Variants in ZCCHC7 observed in about 807,000 individuals in gnomAD.
The protein encoded by ZCCHC7 is zinc finger CCHC domain-containing protein 7.
ZCCHC7 carries 35 observed loss-of-function variants against 52.0 expected under a neutral mutation model. That is an observed-to-expected ratio of 0.67 (90% CI 0.51 to 0.89). The LOEUF is 0.89. Among genes scored for constraint, ZCCHC7 ranks in the 40% least tolerant of loss-of-function variants. ZCCHC7 has a pLI of 0.00. For missense variants in ZCCHC7, 574 were observed against 649.1 expected (o/e 0.88, Z 1.26); for synonymous variants, 217 against 221.5 (o/e 0.98, Z 0.18).
intron 2 of ZCCHC7, among the ~76,000 whole-genome samples, chr9:37,249,793 A>T (rs1233081675): frequency 1.3e-5 from 2 of 152,064 alleles, no homozygotes; most frequent in Non-Finnish European, 2.9e-5. Flanking sequence ...ATCAATTCAG[A>T]TTCCACCATA....
intron 2 of ZCCHC7, among the ~76,000 whole-genome samples, chr9:37,258,757 TAA>T (rs5897683): frequency 3.6e-3 from 197 of 55,344 alleles, no homozygotes; most frequent in African/African-American, 0.013. Context: ...TCCTGTCTCT[TAA>T]AAAAAAAAAA....
intron 2 of ZCCHC7, among the ~76,000 whole-genome samples, chr9:37,194,793 G>T (rs1265919046): frequency 6.6e-6 from 1 of 152,066 alleles, no homozygotes; most frequent in African/African-American, 2.4e-5. Context: ...GAAAAATCCT[G>T]TTGTCAAAGA....
At chr9:37,152,435 T>G (rs1026313538) in intron 2 of ZCCHC7, among the ~76,000 whole-genome samples, 15 of 152,178 alleles carry the variant, frequency 9.9e-5, no homozygotes, top group Non-Finnish European at 1.5e-4. Flanking sequence ...TTTCTTTAGT[T>G]TTTACCTAAT....
chr9:37,268,255 A>G (rs1564213531), intron 2 of ZCCHC7, among the ~76,000 whole-genome samples: 2 of 152,070 alleles, frequency 1.3e-5, no homozygotes, highest in Non-Finnish European at 2.9e-5. Context: ...AACTACTATT[A>G]TAAGATAATT....
chr9:37,180,660 G>A (rs1050231627), intron 2 of ZCCHC7, among the ~76,000 whole-genome samples: 2 of 152,134 alleles, frequency 1.3e-5, no homozygotes, highest in African/African-American at 4.8e-5. Flanking sequence ...ATATTGGCTT[G>A]TCTGTTACTG....
rs569501915 is a variant in ZCCHC7 at position 37,247,238 on chromosome 9, A to G, written c.611-54950A>G. Among the ~76,000 whole-genome samples, 5 of 152,318 alleles carry G rather than the reference A, an allele frequency of 3.3e-5. No individual in the cohort carries two copies. The East Asian group carries it at 9.6e-4, about 29-fold the overall frequency. Reference sequence around the variant, plus strand: ...CACACCTCACTTCACAGCTTTGTGAAGGAGAGGTAGGTATTTTTATTGCTG... The same window carrying G: ...CACACCTCACTTCACAGCTTTGTGAGGGAGAGGTAGGTATTTTTATTGCTG... On this transcript the variant is annotated intron_variant, in intron 2 of 8. Transcript: ENST00000336755.
chr9:37,202,233 A>G (rs1001265882), intron 2 of ZCCHC7, among the ~76,000 whole-genome samples: 4 of 152,166 alleles, frequency 2.6e-5, no homozygotes, highest in African/African-American at 9.7e-5. Flanking sequence ...AGGATTTGAG[A>G]TAGATTGGGA....
At chr9:37,178,624 G>A (rs1254476540) in intron 2 of ZCCHC7, among the ~76,000 whole-genome samples, 1 of 152,168 alleles carries the variant, frequency 6.6e-6, no homozygotes, top group African/African-American at 2.4e-5. Context: ...GTTGGTACAT[G>A]TTGTTGGAAT....
intron 2 of ZCCHC7, among the ~76,000 whole-genome samples, chr9:37,291,854 C>T (rs765290027): frequency 2.0e-5 from 3 of 152,140 alleles, no homozygotes; most frequent in Non-Finnish European, 2.9e-5. Context: ...CCACCATACC[C>T]GGCTAATTTT....
At chr9:37,137,667 C>T (rs529298839) in intron 2 of ZCCHC7, among the ~76,000 whole-genome samples, 5 of 152,212 alleles carry the variant, frequency 3.3e-5, no homozygotes, top group African/African-American at 9.6e-5. Flanking sequence ...AGCTGTTTAA[C>T]GTGTATTTTG....
intron 1 of ZCCHC7, among the ~76,000 whole-genome samples, chr9:37,123,266 G>C (rs1008796892): frequency 5.5e-4 from 83 of 151,910 alleles, no homozygotes; most frequent in Non-Finnish European, 1.5e-4. Flanking sequence ...TGTCTTCCAA[G>C]ACACTTTTTA....
intron 1 of ZCCHC7, among the ~76,000 whole-genome samples, chr9:37,123,703 CA>C (rs1842423004): frequency 6.6e-6 from 1 of 152,122 alleles, no homozygotes; most frequent in African/African-American, 2.4e-5. Context: ...ACTGGATCCT[CA>C]GGATGGATCC....
chr9:37,290,590 A>G (rs1828488961), intron 2 of ZCCHC7, among the ~76,000 whole-genome samples: 1 of 152,212 alleles, frequency 6.6e-6, no homozygotes, highest in East Asian at 1.9e-4. Context: ...CGGGAGGCGG[A>G]TGGAGGTTGC....
At chr9:37,120,521 G>C, upstream of ZCCHC7, 1 of 399,090 alleles carries the variant, frequency 2.5e-6, no homozygotes, top group African/African-American at 2.1e-5. Context: ...TTCCCTCCCG[G>C]GTCTGCGCGG....
chr9:37,260,563 C>G (rs1055418989), intron 2 of ZCCHC7, among the ~76,000 whole-genome samples: 2 of 152,180 alleles, frequency 1.3e-5, no homozygotes, highest in African/African-American at 4.8e-5. Context: ...AGTTACATAC[C>G]TGGTAAGCTT....
rs76827273 is a variant in ZCCHC7, at chr9:37,337,416, A to C, written c.987+9582A>C. 2.0e-3 allele frequency among the ~76,000 whole-genome samples: 22 copies of C among 11,006 alleles called. No homozygotes were observed. In the East Asian group the frequency reaches 0.053, roughly 27 times the overall value. The allele number at this position is 11,006 out of a possible 152,430, so 7.2% of individuals were successfully genotyped here. ...CTACCCACCCACCCCCCCCCCCCCCAAAAAAAATGAGTTGTGTTATCTGGA... is the reference window on the plus strand; with the variant it reads ...CTACCCACCCACCCCCCCCCCCCCCCAAAAAAATGAGTTGTGTTATCTGGA... On this transcript the variant is annotated intron_variant, in intron 6 of 8. Transcript: ENST00000336755.
chr9:37,215,469 G>A (rs1334210214), intron 2 of ZCCHC7, among the ~76,000 whole-genome samples: 3 of 152,166 alleles, frequency 2.0e-5, no homozygotes, highest in African/African-American at 4.8e-5. Context: ...TATCCAGATA[G>A]CATAGCTCCC....
chr9:37,208,077 T>C (rs959758831), intron 2 of ZCCHC7, among the ~76,000 whole-genome samples: 15 of 152,170 alleles, frequency 9.9e-5, no homozygotes, highest in Non-Finnish European at 1.8e-4. Flanking sequence ...CAGTGTATTT[T>C]TTGTTACGGC....
chr9:37,296,881 T>TTGTGTATGTGTG lies in ZCCHC7; in HGVS notation c.611-5302_611-5301insATGTGTGTGTGT, dbSNP rs1396008500. Among the ~76,000 whole-genome samples the TTGTGTATGTGTG allele has an allele frequency of 3.0e-3, 373 of 124,204 alleles. 4 individuals carry two copies. Among genetic ancestry groups the TTGTGTATGTGTG allele is most frequent in the African/African-American group, 0.011 (363 of 33,608 alleles). The allele number at this position is 124,204 out of a possible 152,430, so 81.5% of individuals were successfully genotyped here. A position where few individuals can be genotyped will look rare whatever the true frequency, so the allele number is the denominator to read the frequency against. On this transcript the variant is annotated intron_variant, in intron 2 of 8. Transcript: ENST00000336755. ...GCATGCACCACCATACCTGGCTAGTTTGTGTGTGTGTGTGTGTGTGTGTGT... is the reference window on the plus strand; with the variant it reads ...GCATGCACCACCATACCTGGCTAGTTTGTGTATGTGTGTGTGTGTGTGTGTGTGTGTGTGTGT...
Sources: gnomAD v4.1 joint callset for allele counts (sites outside exome capture counted in the v4.1 genomes callset) on GRCh38, gnomAD v4.1.1 for gene constraint, MANE v1.5 for transcripts, NCBI Gene and HGNC (gene_info 2026-07-23, HGNC 2026-07-21) for gene names.